The following DLGAP2 variants were observed in gnomAD, a reference collection of about 807,000 sequenced individuals.
DLGAP2 encodes the protein disks large-associated protein 2.
In DLGAP2, 26 loss-of-function variants were observed where a neutral mutation model predicts 100.3. The observed-to-expected ratio is 0.26, with a 90% CI of 0.19 to 0.36. The LOEUF (loss-of-function observed/expected upper bound fraction) is 0.36. Ranked by LOEUF, DLGAP2 falls within the 10% of genes least tolerant of loss-of-function variation. DLGAP2 has a pLI of 1.00. For synonymous variants in DLGAP2, 886 were observed against 630.1 expected (o/e 1.41, Z -6.08); for missense variants, 1,858 against 1,453.2 (o/e 1.28, Z -4.53).
chr8:1,446,033 T>C (rs1222348373), intron 3 of DLGAP2, among the ~76,000 whole-genome samples: 2 of 151,762 alleles, frequency 1.3e-5, no homozygotes, highest in Non-Finnish European at 1.5e-5. Flanking sequence ...TTCTCCCATT[T>C]TGTAGGTTGC....
At chr8:1,122,620 A>G (rs1014754218) in intron 2 of DLGAP2, among the ~76,000 whole-genome samples, 5 of 144,618 alleles carry the variant, frequency 3.5e-5, no homozygotes. Context: ...TCTCTCAAAA[A>G]TACATATTGG....
chr8:1,622,201 T>C (rs1448117658), intron 6 of DLGAP2: 1 of 152,248 alleles, frequency 6.6e-6, no homozygotes. Flanking sequence ...TTGAATGCAG[T>C]GGAAGAAACA....
intron 3 of DLGAP2, among the ~76,000 whole-genome samples, chr8:1,433,834 A>T (rs185950027): frequency 5.3e-4 from 78 of 148,500 alleles, no homozygotes; most frequent in African/African-American, 1.7e-3. Flanking sequence ...TAAATGGTAT[A>T]AACCTCTGCT....
At position 1,271,538 on chromosome 8, in the gene DLGAP2, C is replaced by T. The variant is rs928490455; in HGVS notation, c.106+12655C>T. Among the ~76,000 whole-genome samples the T allele has an allele frequency of 2.0e-5, 3 of 152,306 alleles. No individual in the cohort carries two copies. In the East Asian group the frequency reaches 5.8e-4, roughly 29 times the overall value. ...CACAGGCACGAACGAGATAGTTGTA[C>T]ATCCGAGAAACATCTGAAAATTCAA... is the stretch of plus-strand genomic sequence containing the variant. On this transcript the variant is annotated intron_variant, in intron 3 of 14. Coordinates refer to ENST00000637795, the MANE Select transcript of DLGAP2 (RefSeq NM_001346810.2).
intron 6 of DLGAP2, among the ~76,000 whole-genome samples, chr8:1,613,052 A>G (rs1483385133): frequency 2.3e-5 from 3 of 129,360 alleles, no homozygotes; most frequent in Non-Finnish European, 3.2e-5. Context: ...GTATATACCC[A>G]AAGGACTATA....
intron 2 of DLGAP2, among the ~76,000 whole-genome samples, chr8:981,385 C>A (rs563307232): frequency 6.6e-6 from 1 of 152,062 alleles, no homozygotes. Flanking sequence ...AAGGCAACAA[C>A]GACACTGGTG....
chr8:784,422 G>C (rs932562379), intron 1 of DLGAP2, among the ~76,000 whole-genome samples: 1 of 152,186 alleles, frequency 6.6e-6, no homozygotes, highest in African/African-American at 2.4e-5. Flanking sequence ...AGTAGGATAT[G>C]GTTCTGTAGG....
intron 3 of DLGAP2, among the ~76,000 whole-genome samples, chr8:1,264,130 C>G (rs941870270): frequency 6.6e-6 from 1 of 150,946 alleles, no homozygotes; most frequent in African/African-American, 2.5e-5. Flanking sequence ...ATATGTAACA[C>G]AATTTATTTC....
intron 2 of DLGAP2, among the ~76,000 whole-genome samples, chr8:954,326 G>A (rs868293817): frequency 2.0e-5 from 3 of 152,148 alleles, no homozygotes; most frequent in Non-Finnish European, 4.4e-5. Context: ...GTGAAAATTT[G>A]TATTACCCTT....
Position 1,101,122 on chromosome 8 carries a change from A to G in DLGAP2, c.74-157729A>G, listed in dbSNP as rs374197887. On this transcript the variant is annotated intron_variant, in intron 2 of 14. Transcript: ENST00000637795. Reference sequence around the variant, plus strand: ...CGGCATCTTCACTCTGATGTTAGCAATTTGAATCTGCACTGATGGGCATGG... The same window carrying G: ...CGGCATCTTCACTCTGATGTTAGCAGTTTGAATCTGCACTGATGGGCATGG... Among the ~76,000 whole-genome samples the G allele has an allele frequency of 7.9e-5, 12 of 152,316 alleles. No individual in the cohort carries two copies. In the East Asian group the frequency reaches 1.2e-3, roughly 15 times the overall value.
At chr8:1,697,535 C>G (rs1302655799) in intron 14 of DLGAP2, among the ~76,000 whole-genome samples, 1 of 152,208 alleles carries the variant, frequency 6.6e-6, no homozygotes, top group Non-Finnish European at 1.5e-5. Flanking sequence ...ATAATAGGGT[C>G]TCCCCTGCTC....
chr8:986,847 A>G (rs1313028807), intron 2 of DLGAP2, among the ~76,000 whole-genome samples: 1 of 151,946 alleles, frequency 6.6e-6, no homozygotes, highest in Admixed American at 6.6e-5. Flanking sequence ...TTTGGTAGAG[A>G]TGGGGTTTTG....
intron 4 of DLGAP2, among the ~76,000 whole-genome samples, chr8:1,537,066 AT>A: frequency 3.1e-5 from 1 of 32,470 alleles, no homozygotes; most frequent in Non-Finnish European, 5.6e-5. Flanking sequence ...CACCACTGGT[AT>A]GTGGTATGTG....
intron 2 of DLGAP2, among the ~76,000 whole-genome samples, chr8:1,029,389 C>T (rs73673051): frequency 0.03 from 4,618 of 152,182 alleles, 245 homozygotes; most frequent in African/African-American, 0.11. Flanking sequence ...AAAGAGTGGC[C>T]GAGGTACAGA....
chr8:919,136 A>G (rs1798655696), intron 2 of DLGAP2, among the ~76,000 whole-genome samples: 1 of 152,206 alleles, frequency 6.6e-6, no homozygotes, highest in Admixed American at 6.5e-5. Flanking sequence ...GAGAGTAAAA[A>G]GTACTTGGCA....
chr8:1,306,391 G>C (rs1800492790), intron 3 of DLGAP2, among the ~76,000 whole-genome samples: 1 of 151,994 alleles, frequency 6.6e-6, no homozygotes, highest in Non-Finnish European at 1.5e-5. Context: ...AAGGAGGAGA[G>C]AGGCTGTACA....
At chr8:978,726 G>A (rs568023835) in intron 2 of DLGAP2, among the ~76,000 whole-genome samples, 21 of 152,072 alleles carry the variant, frequency 1.4e-4, no homozygotes, top group African/African-American at 3.6e-4. Context: ...TTTGCCACGC[G>A]GGCATGTGTA....
chr8:1,218,516 A>T (rs1439987798), intron 2 of DLGAP2, among the ~76,000 whole-genome samples: 1 of 151,086 alleles, frequency 6.6e-6, no homozygotes, highest in South Asian at 2.1e-4. Context: ...TACCAGTACC[A>T]TGTTGTTTTG....
At chr8:1,691,683 C>T (rs1799264806) in intron 13 of DLGAP2, 57 bp downstream of exon 13, 3 of 1,358,026 alleles carry the variant, frequency 2.2e-6, no homozygotes, top group Non-Finnish European at 3.1e-6. Flanking sequence ...GGGCATCATT[C>T]CACAGATTCT....
Sources: allele counts gnomAD v4.1 joint callset (sites outside exome capture counted in the v4.1 genomes callset), GRCh38; gene constraint gnomAD v4.1.1; transcripts MANE v1.5; gene names NCBI Gene and HGNC (gene_info 2026-07-23, HGNC 2026-07-21).